SMIM29: variants seen among roughly 807,000 people sequenced by gnomAD.
SMIM29 encodes the protein uncharacterized protein C6orf1.
SMIM29 carries 4 observed loss-of-function variants against 12.9 expected under a neutral mutation model. The observed-to-expected ratio is 0.31, with a 90% CI of 0.15 to 0.71. The LOEUF is 0.71. Among genes scored for constraint, SMIM29 ranks in the 30% least tolerant of loss-of-function variants. SMIM29 has a pLI of 0.70. For missense variants in SMIM29, 122 were observed against 138.1 expected, an observed-to-expected ratio of 0.88 and a Z score of 0.58; for synonymous variants, 50 against 52.0, an observed-to-expected ratio of 0.96 and a Z score of 0.17.
chr6:34,247,656 CTG>C lies in SMIM29; in HGVS notation c.111+23_111+24del, dbSNP rs1052289311. On this transcript the variant is annotated intron_variant, in intron 2 of 4. Transcript: ENST00000476320. ...CCTGCCTTAGCAAAGCTGTGGGTGTCTGTGTGTATATGAGGGCTCCTTACCAC... is the reference window on the plus strand; with the variant it reads ...CCTGCCTTAGCAAAGCTGTGGGTGTCTGTGTATATGAGGGCTCCTTACCAC... 1.4e-5 allele frequency: 20 copies of C among 1,434,806 alleles called. No homozygotes were observed. In the South Asian group the frequency reaches 1.7e-4, roughly 12 times the overall value. 88.9% of individuals were successfully genotyped at this position (1,434,806 alleles called of 1,614,324 possible). A position where few individuals can be genotyped will look rare whatever the true frequency, so the allele number is the denominator to read the frequency against.
intron 3 of SMIM29, 103 bp from the exon 4 acceptor site, chr6:34,247,252 G>C (rs556966130): frequency 6.3e-7 from 1 of 1,592,024 alleles, no homozygotes; most frequent in African/African-American, 1.3e-5. Flanking sequence ...CAATTCCAGT[G>C]GGTGCCTTTT....
intron 3 of SMIM29, 36 bp from the exon 4 acceptor site, chr6:34,247,185 C>T (rs1265230824): frequency 1.2e-6 from 2 of 1,605,710 alleles, no homozygotes; most frequent in Non-Finnish European, 1.7e-6. Context: ...CTAGGAGGTC[C>T]CCCCAACCCT....
rs758723721 is a variant in SMIM29, at chr6:34,246,658, A to T, written c.*145T>A. The stretch of plus-strand genomic sequence containing the variant: ...GTGAGGTGATGGTGAGGGCATGGGA[A>T]GCAGATGCTGCTGAGGGTGGGTGGA... On this transcript the variant is annotated 3_prime_UTR_variant, in exon 5 of 5. Coordinates refer to ENST00000476320, the MANE Select transcript of SMIM29 (RefSeq NM_001008703.4). 1.2e-6 allele frequency: 2 copies of T among 1,613,988 alleles called. No individual in the cohort carries two copies. Among genetic ancestry groups the T allele is most frequent in the Non-Finnish European group, 1.7e-6 (2 of 1,179,974 alleles).
chr6:34,247,479 T>C lies in SMIM29; in HGVS notation c.125A>G (p.Gln42Arg). The change falls in exon 3 of 5, where the codon CAG becomes CGG. Residue 42 changes from glutamine to arginine, a missense_variant. Physicochemically the swap from Gln to Arg is conservative, Grantham distance 43 (BLOSUM62 1). Transcript: ENST00000476320. ...GVVVAVVMYVQKKKRVDRLRH... is the reference protein window; with the variant it reads ...GVVVAVVMYVRKKKRVDRLRH... ...CAGGGACACTCACCGCTTTTTCTTCTGTACATACATTACCTGCAACAGAGA... is the reference window on the plus strand; with the variant it reads ...CAGGGACACTCACCGCTTTTTCTTCCGTACATACATTACCTGCAACAGAGA... 1 of 1,579,074 alleles carries C rather than the reference T, an allele frequency of 6.3e-7. No homozygotes were observed. The highest frequency in any genetic ancestry group is 8.6e-7 in the Non-Finnish European group (1 of 1,161,620).
rs756420796 is a variant in SMIM29, at chr6:34,246,882, G to A, written c.244-14C>T. 3.7e-6 allele frequency: 6 copies of A among 1,602,948 alleles called. No homozygotes were observed. The Admixed American group carries it at 6.7e-5, about 18-fold the overall frequency. Reference sequence around the variant, plus strand: ...GCCATGTACCACCTGTCGGGGAGGAGACCACACCACAAGGCTGGGCTGTGT... The same window carrying A: ...GCCATGTACCACCTGTCGGGGAGGAAACCACACCACAAGGCTGGGCTGTGT... On this transcript the variant is annotated splice_polypyrimidine_tract_variant and intron_variant, in intron 4 of 4. Transcript: ENST00000476320.
chr6:34,248,632 C>T, intron 1 of SMIM29: 3 of 985,580 alleles, frequency 3.0e-6, no homozygotes, highest in Non-Finnish European at 3.6e-6. Flanking sequence ...GCCCAAGGTC[C>T]GCGACCCAGG....
At chr6:34,247,400 A>G (rs986988590) in intron 3 of SMIM29, 67 bp downstream of exon 3, 1 of 1,426,946 alleles carries the variant, frequency 7.0e-7, no homozygotes, top group Non-Finnish European at 9.5e-7. Context: ...CAGAAAAGTC[A>G]GAGCCTATGA....
At position 34,246,758 on chromosome 6, in the gene SMIM29, C is replaced by T; in HGVS notation, c.*45G>A. The T allele has an allele frequency of 6.2e-7, 1 of 1,613,508 alleles. No individual in the cohort carries two copies. Among genetic ancestry groups the T allele is most frequent in the Non-Finnish European group, 8.5e-7 (1 of 1,179,952 alleles). ...GGGAAGCAGATGGCAGGGCCCCAGG[C>T]AGTCCAGGACCCCAGGCTCTGAAGG... On this transcript the variant is annotated 3_prime_UTR_variant, in exon 5 of 5. Transcript: ENST00000476320.
intron 1 of SMIM29, 28 bp from the exon 2 acceptor site, chr6:34,247,892 T>C: frequency 1.6e-6 from 2 of 1,252,312 alleles, no homozygotes; most frequent in Non-Finnish European, 2.0e-6. Flanking sequence ...AGGTTATCAG[T>C]TGCACCCAGG....
rs1040079370 is a variant in SMIM29 at position 34,248,074 on chromosome 6, CT to C, written c.-73-211del. 43 of 985,460 alleles carry C rather than the reference CT, an allele frequency of 4.4e-5. No homozygotes were observed. The African/African-American group carries it at 7.3e-4, about 17-fold the overall frequency. The allele number at this position is 985,460 out of a possible 1,614,324, so 61.0% of individuals were successfully genotyped here. ...ATCAAGGGAAGGCCTGGATCCAGGGCTGAGTCTTGCCCAACTCCTATCCCTA... is the reference window on the plus strand; with the variant it reads ...ATCAAGGGAAGGCCTGGATCCAGGGCGAGTCTTGCCCAACTCCTATCCCTA... On this transcript the variant is annotated intron_variant, in intron 1 of 4. Coordinates refer to ENST00000476320, the MANE Select transcript of SMIM29 (RefSeq NM_001008703.4).
intron 4 of SMIM29, 81 bp downstream of exon 4, chr6:34,246,963 G>C: frequency 6.2e-7 from 1 of 1,608,550 alleles, no homozygotes; most frequent in South Asian, 1.1e-5. Context: ...CCAGGCTCTG[G>C]TTTCAGTGTG....
In SMIM29 at chr6:34,246,831, CGCTTGT is replaced by C. The variant is rs765132214; in HGVS notation, c.275_280del (p.His92_Lys93del). On this transcript the variant is annotated inframe_deletion, in exon 5 of 5. Transcript: ENST00000476320. ...CGTCTTGACATCCAGCAGTGGCATC[CGCTTGT>C]GCTGGTAGCCACTCTGCCAGCCATG... 1 of 1,611,848 alleles carries C rather than the reference CGCTTGT, an allele frequency of 6.2e-7. No individual in the cohort carries two copies. Among genetic ancestry groups the C allele is most frequent in the South Asian group, 1.1e-5 (1 of 91,058 alleles).
chr6:34,248,198 C>T (rs1762882872), intron 1 of SMIM29: 1 of 985,332 alleles, frequency 1.0e-6, no homozygotes, highest in Non-Finnish European at 1.2e-6. Flanking sequence ...TGCCCCAGCC[C>T]TTTTGGGGCA....
intron 3 of SMIM29, 122 bp from the exon 4 acceptor site, chr6:34,247,271 C>G: frequency 6.4e-7 from 1 of 1,569,542 alleles, no homozygotes; most frequent in Middle Eastern, 1.7e-4. Flanking sequence ...TTGGGACACA[C>G]TATACCTCCA....
In SMIM29 at chr6:34,247,478, C is replaced by T; in HGVS notation, c.126G>A (p.Gln42=). The part of the protein sequence containing the change: ...GVVVAVVMYV[Q]KKKRVDRLRH... Reference sequence around the variant, plus strand: ...ACAGGGACACTCACCGCTTTTTCTTCTGTACATACATTACCTGCAACAGAG... The same window carrying T: ...ACAGGGACACTCACCGCTTTTTCTTTTGTACATACATTACCTGCAACAGAG... The change falls in exon 3 of 5, where the codon CAG becomes CAA. Residue 42 remains glutamine (Q), a synonymous_variant. Coordinates refer to ENST00000476320, the MANE Select transcript of SMIM29 (RefSeq NM_001008703.4). 1 of 1,579,340 alleles carries T rather than the reference C, an allele frequency of 6.3e-7. No homozygotes were observed. The highest frequency in any genetic ancestry group is 8.6e-7 in the Non-Finnish European group (1 of 1,161,764).
rs1561884682 is a variant in SMIM29, at chr6:34,247,796, TCAG to T, written c.-8_-6del. 2.5e-5 allele frequency: 32 copies of T among 1,289,568 alleles called. No homozygotes were observed. Among genetic ancestry groups the T allele is most frequent in the Middle Eastern group, 2.9e-4 (1 of 3,464 alleles). The allele number at this position is 1,289,568 out of a possible 1,614,324, so 79.9% of individuals were successfully genotyped here. A position where few individuals can be genotyped will look rare whatever the true frequency, so the allele number is the denominator to read the frequency against. ...GGGCACAGTGGTGTTACTCATGACA[TCAG>T]CAGCCGGAGGGCTGGGTGGTCAGCA... On this transcript the variant is annotated 5_prime_UTR_variant, in exon 2 of 5. The change creates a premature stop within an existing upstream ORF in the 5' untranslated region. Coordinates refer to ENST00000476320, the MANE Select transcript of SMIM29 (RefSeq NM_001008703.4).
intron 1 of SMIM29, 32 bp from the exon 2 acceptor site, chr6:34,247,896 A>T: frequency 8.0e-7 from 1 of 1,249,700 alleles, no homozygotes; most frequent in Non-Finnish European, 1.0e-6. Flanking sequence ...TATCAGTTGC[A>T]CCCAGGTGAC....
intron 4 of SMIM29, 29 bp from the exon 5 acceptor site, chr6:34,246,897 C>T: frequency 6.3e-7 from 1 of 1,598,654 alleles, no homozygotes; most frequent in Non-Finnish European, 8.5e-7. Context: ...CACCACAAGG[C>T]TGGGCTGTGT....
chr6:34,248,833 C>G (rs953473280), intron 1 of SMIM29, 146 bp downstream of exon 1: 1 of 985,708 alleles, frequency 1.0e-6, no homozygotes, highest in African/African-American at 1.7e-5. Flanking sequence ...AGGTGGTTCC[C>G]ACGGCGCTGG....
Sources: allele counts gnomAD v4.1 joint callset, GRCh38; gene constraint gnomAD v4.1.1; transcripts MANE v1.5; gene names NCBI Gene and HGNC (gene_info 2026-07-23, HGNC 2026-07-21).